Variants in COL21A1 observed in about 807,000 individuals in gnomAD.
COL21A1 encodes the protein collagen type XXI alpha 1 chain, also known as collagen alpha-1(XXI) chain.
In COL21A1, 149 loss-of-function variants were observed where a neutral mutation model predicts 137.9. That is an observed-to-expected ratio of 1.08 (90% CI 0.95 to 1.24). The LOEUF (loss-of-function observed/expected upper bound fraction) is 1.24. Ranked by LOEUF, COL21A1 falls within the 50% of genes most tolerant of loss-of-function variation. The probability of loss-of-function intolerance (pLI) is 0.00; values close to 1 mark genes in which losing one functional copy is unlikely to be tolerated. For synonymous variants in COL21A1, 456 were observed against 391.5 expected (o/e 1.16, Z -1.95); for missense variants, 1,167 against 1,158.4 (o/e 1.01, Z -0.11).
chr6:56,193,425 G>T (rs1778824300), intron 1 of COL21A1, among the ~76,000 whole-genome samples: 1 of 152,132 alleles, frequency 6.6e-6, no homozygotes, highest in African/African-American at 2.4e-5. Context: ...TTTAATAACA[G>T]AAGCCAGACA....
chr6:56,345,748 T>C (rs938887914), intron 1 of COL21A1, among the ~76,000 whole-genome samples: 3 of 152,230 alleles, frequency 2.0e-5, no homozygotes, highest in Admixed American at 1.3e-4. Flanking sequence ...CCAGGAGAGT[T>C]TTGGAAATAT....
chr6:56,326,007 TTATGTA>T (rs1765080147), intron 1 of COL21A1, among the ~76,000 whole-genome samples: 1 of 2,332 alleles, frequency 4.3e-4, no homozygotes. Flanking sequence ...CATACATATA[TTATGTA>T]TATGTATATA....
chr6:56,078,468 T>C (rs1463647661), intron 17 of COL21A1, among the ~76,000 whole-genome samples: 1 of 151,622 alleles, frequency 6.6e-6, no homozygotes, highest in East Asian at 1.9e-4. Flanking sequence ...GTCACATCTG[T>C]ATGACTTTGC....
At chr6:56,211,187 G>A (rs9689900) in intron 1 of COL21A1, among the ~76,000 whole-genome samples, 1 of 17,094 alleles carries the variant, frequency 5.9e-5, no homozygotes, top group African/African-American at 1.5e-4. Context: ...ACATATATAT[G>A]TATATATGTA....
chr6:56,338,262 T>C (rs2152344713), intron 1 of COL21A1, among the ~76,000 whole-genome samples: 1 of 152,216 alleles, frequency 6.6e-6, no homozygotes, highest in African/African-American at 2.4e-5. Flanking sequence ...TTTTTTCTTT[T>C]ATGCCACCCC....
intron 17 of COL21A1, among the ~76,000 whole-genome samples, chr6:56,092,466 G>T (rs1768934485): frequency 1.3e-5 from 2 of 152,122 alleles, no homozygotes; most frequent in South Asian, 4.2e-4. Context: ...AGAAATATGG[G>T]CTAAAAGTTA....
At chr6:56,231,326 G>A (rs1781540950) in intron 1 of COL21A1, among the ~76,000 whole-genome samples, 2 of 151,880 alleles carry the variant, frequency 1.3e-5, no homozygotes, top group South Asian at 4.1e-4. Flanking sequence ...TGTTAGTAAA[G>A]GAAGCATTAT....
chr6:56,378,735 G>A (rs1026792235), intron 1 of COL21A1, among the ~76,000 whole-genome samples: 5 of 152,134 alleles, frequency 3.3e-5, no homozygotes, highest in African/African-American at 1.2e-4. Context: ...GCGAACATAC[G>A]CAATAGCCAG....
chr6:56,305,126 A>G (rs1201651851), intron 1 of COL21A1, among the ~76,000 whole-genome samples: 1 of 152,144 alleles, frequency 6.6e-6, no homozygotes, highest in African/African-American at 2.4e-5. Context: ...ATTCTTTTAC[A>G]TTTGCTGAGG....
chr6:56,184,728 C>T (rs889702773), intron 1 of COL21A1, among the ~76,000 whole-genome samples: 1 of 152,078 alleles, frequency 6.6e-6, no homozygotes, highest in Non-Finnish European at 1.5e-5. Flanking sequence ...TGTTCCTTGA[C>T]CAAAGGGCAT....
rs146189971 is a variant in COL21A1 at position 56,133,188 on chromosome 6, A to G, written c.1543-7039T>C. Among the ~76,000 whole-genome samples, 985 of 152,310 alleles carry G rather than the reference A, an allele frequency of 6.5e-3. 13 individuals are homozygous for G. The highest frequency in any genetic ancestry group is 0.021 in the African/African-American group (889 of 41,564). On this transcript the variant is annotated intron_variant, in intron 12 of 29. Transcript: ENST00000244728. ...TTTGAACTCCCCAGAGACTTGTTGA[A>G]TGGCTTTGACCAAAATGCTGACAAT...
At chr6:56,143,703 C>T (rs9475574) in intron 10 of COL21A1, among the ~76,000 whole-genome samples, 1,596 of 152,214 alleles carry the variant, frequency 0.01, 26 homozygotes, top group African/African-American at 0.036. Context: ...GACAAAACAA[C>T]GTGCATTTTT....
intron 1 of COL21A1, among the ~76,000 whole-genome samples, chr6:56,315,300 C>G (rs985558251): frequency 6.6e-6 from 1 of 152,180 alleles, no homozygotes; most frequent in Non-Finnish European, 1.5e-5. Flanking sequence ...TCCCACGGGG[C>G]AGATGAACAC....
At chr6:56,321,914 C>T (rs9349817) in intron 1 of COL21A1, among the ~76,000 whole-genome samples, 68,308 of 151,924 alleles carry the variant, frequency 0.45, 16,903 homozygotes, top group East Asian at 0.8. Context: ...ATGAGCTGAG[C>T]GAAACATTTT....
chr6:56,154,781 G>GT (rs1170224092), intron 10 of COL21A1, among the ~76,000 whole-genome samples: 2 of 152,022 alleles, frequency 1.3e-5, no homozygotes, highest in East Asian at 3.9e-4. Context: ...GAATCCCTGT[G>GT]TGTCAGCTGA....
At chr6:56,265,808 T>G (rs1457986024) in intron 1 of COL21A1, among the ~76,000 whole-genome samples, 1 of 152,194 alleles carries the variant, frequency 6.6e-6, no homozygotes, top group Non-Finnish European at 1.5e-5. Flanking sequence ...AAAAATATCT[T>G]CCTAGATAGT....
intron 16 of COL21A1, among the ~76,000 whole-genome samples, chr6:56,113,669 T>A (rs1386912844): frequency 6.6e-6 from 1 of 152,050 alleles, no homozygotes; most frequent in Non-Finnish European, 1.5e-5. Flanking sequence ...TCCTTCTGCT[T>A]GAGACAAGCA....
At chr6:56,285,532 A>G (rs1217022416) in intron 1 of COL21A1, among the ~76,000 whole-genome samples, 1 of 152,156 alleles carries the variant, frequency 6.6e-6, no homozygotes, top group Non-Finnish European at 1.5e-5. Context: ...AAGAATAAAT[A>G]TACTTTAAAG....
intron 12 of COL21A1, among the ~76,000 whole-genome samples, chr6:56,130,165 T>TTTTATATATATATA (rs1414609284): frequency 1.2e-4 from 13 of 107,938 alleles, no homozygotes; most frequent in African/African-American, 1.8e-4. Context: ...TGACAGGGTT[T>TTTTATATATATATA]TATATATATA....
Sources: allele counts gnomAD v4.1 joint callset (sites outside exome capture counted in the v4.1 genomes callset), GRCh38; gene constraint gnomAD v4.1.1; transcripts MANE v1.5; gene names NCBI Gene and HGNC (gene_info 2026-07-23, HGNC 2026-07-21).